USP6NL: variants seen among roughly 807,000 people sequenced by gnomAD.
USP6NL encodes USP6 N-terminal like.
In USP6NL, 26 loss-of-function variants were observed where a neutral mutation model predicts 61.9. The ratio of observed to expected loss-of-function variants is 0.42; its 90% CI spans 0.31 to 0.58. The LOEUF is 0.58. USP6NL is among the 20% of genes least tolerant of loss of function. USP6NL has a pLI of 0.16. For missense variants in USP6NL, 1,114 were observed against 1,034.3 expected, an observed-to-expected ratio of 1.08 and a Z score of -1.06; for synonymous variants, 432 against 390.1, an observed-to-expected ratio of 1.11 and a Z score of -1.27.
At chr10:11,590,961 A>G (rs1214824716) in intron 2 of USP6NL, among the ~76,000 whole-genome samples, 1 of 152,202 alleles carries the variant, frequency 6.6e-6, no homozygotes, top group Non-Finnish European at 1.5e-5. Flanking sequence ...ATGTACTCCT[A>G]TAAGACAAAA....
At position 11,602,809 on chromosome 10, in the gene USP6NL, A is replaced by G. The variant is rs1488646296; in HGVS notation, c.-83-5092T>C. ...AAAACCTGAAACACTTCTGGTCCCA[A>G]GCATTTCAGGTAAGAGATACTCAAC... On this transcript the variant is annotated intron_variant, in intron 1 of 14. Coordinates refer to ENST00000609104, the MANE Select transcript of USP6NL (RefSeq NM_014688.5). The surrounding 1 kb of genome is among the most constrained non-coding windows in gnomAD (Gnocchi z 4.8). Among the ~76,000 whole-genome samples, 1 of 152,226 alleles carries G rather than the reference A, an allele frequency of 6.6e-6. No individual in the cohort carries two copies. The highest frequency in any genetic ancestry group is 6.5e-5 in the Admixed American group (1 of 15,288).
chr10:11,492,348 C>T (rs887322615), intron 8 of USP6NL, among the ~76,000 whole-genome samples: 8 of 152,154 alleles, frequency 5.3e-5, no homozygotes, highest in Non-Finnish European at 7.3e-5. Flanking sequence ...TCACTGGGAA[C>T]GTATTTTGTA....
chr10:11,537,923 T>TA lies in USP6NL; in HGVS notation c.5-10357dup, dbSNP rs1835897576. Among the ~76,000 whole-genome samples, 1 of 152,206 alleles carries TA rather than the reference T, an allele frequency of 6.6e-6. No homozygotes were observed. Among genetic ancestry groups the TA allele is most frequent in the South Asian group, 2.1e-4 (1 of 4,828 alleles). On this transcript the variant is annotated intron_variant, in intron 2 of 14. Coordinates refer to ENST00000609104, the MANE Select transcript of USP6NL (RefSeq NM_014688.5). The surrounding 1 kb of genome is among the most constrained non-coding windows in gnomAD (Gnocchi z 5.1). ...CATGGCTTGCCCCTGATTCTGCAAA[T>TA]AAAAAGATCAACAGTGTCGATATAA...
At chr10:11,581,918 G>A (rs1018324631) in intron 2 of USP6NL, among the ~76,000 whole-genome samples, 2 of 152,106 alleles carry the variant, frequency 1.3e-5, no homozygotes, top group African/African-American at 2.4e-5. Context: ...AATTACAGGT[G>A]CCCACCACCA....
At chr10:11,522,554 T>C (rs566775107) in intron 4 of USP6NL, among the ~76,000 whole-genome samples, 1 of 152,372 alleles carries the variant, frequency 6.6e-6, no homozygotes, top group East Asian at 1.9e-4. Context: ...GGCTTGACAT[T>C]ACCCTAATAT....
In USP6NL at chr10:11,474,891, G is replaced by A. The variant is rs1461144738; in HGVS notation, c.1078+6879C>T. Among the ~76,000 whole-genome samples the A allele has an allele frequency of 6.6e-6, 1 of 152,152 alleles. No homozygotes were observed. The highest frequency in any genetic ancestry group is 1.5e-5 in the Non-Finnish European group (1 of 68,022). The stretch of plus-strand genomic sequence containing the variant: ...ATGTGAAGTGTGGAAGCTGCGGACA[G>A]AAAAGTGCTATACCTTACACTAAGG... On this transcript the variant is annotated intron_variant, in intron 14 of 14. Coordinates refer to ENST00000609104, the MANE Select transcript of USP6NL (RefSeq NM_014688.5). This position sits in a 1 kb window ranked among gnomAD's most constrained non-coding sequence, Gnocchi z 4.9.
At chr10:11,545,924 C>A (rs1410418216) in intron 2 of USP6NL, among the ~76,000 whole-genome samples, 1 of 152,154 alleles carries the variant, frequency 6.6e-6, no homozygotes, top group Non-Finnish European at 1.5e-5. Context: ...AACATAACTT[C>A]CAAGGTTAGT....
At chr10:11,579,964 G>A (rs1837688463) in intron 2 of USP6NL, among the ~76,000 whole-genome samples, 2 of 129,306 alleles carry the variant, frequency 1.5e-5, no homozygotes, top group Admixed American at 8.0e-5. Context: ...GGAGAGTGGC[G>A]GGGGGGGGGC....
chr10:11,462,260 C>A lies in USP6NL; in HGVS notation c.*181G>T. The A allele has an allele frequency of 1.4e-6, 1 of 714,090 alleles. No individual in the cohort carries two copies. Among genetic ancestry groups the A allele is most frequent in the Non-Finnish European group, 2.2e-6 (1 of 451,582 alleles). The allele number at this position is 714,090 out of a possible 1,614,324, so 44.2% of individuals were successfully genotyped here. On this transcript the variant is annotated 3_prime_UTR_variant, in exon 15 of 15. Coordinates refer to ENST00000609104, the MANE Select transcript of USP6NL (RefSeq NM_014688.5). ...CAGGTCAGTGATGATGCAATTGAAA[C>A]GCTCATCTTAAGCAGCATCTACGTG...
At chr10:11,580,776 T>C (rs1294735725) in intron 2 of USP6NL, among the ~76,000 whole-genome samples, 2 of 152,138 alleles carry the variant, frequency 1.3e-5, no homozygotes, top group African/African-American at 4.8e-5. Context: ...TAAATGACTA[T>C]GTAAACATGA....
intron 2 of USP6NL, among the ~76,000 whole-genome samples, chr10:11,586,395 C>T (rs565939952): frequency 2.2e-3 from 175 of 78,436 alleles, no homozygotes; most frequent in African/African-American, 7.7e-3. Context: ...CTTAAATGAC[C>T]AAAAAAAAAA....
Position 11,551,322 on chromosome 10 carries a change from TAAAAGAAGTCAAACAC to T in USP6NL, c.5-23771_5-23756del, listed in dbSNP as rs765970235. Reference sequence around the variant, plus strand: ...TGCTGATAACACGAAACAATGCAAATAAAAGAAGTCAAACACAAAAGACCTCATACTGTAGAACTTC... The same window carrying T: ...TGCTGATAACACGAAACAATGCAAATAAAAGACCTCATACTGTAGAACTTC... On this transcript the variant is annotated intron_variant, in intron 2 of 14. Coordinates refer to ENST00000609104, the MANE Select transcript of USP6NL (RefSeq NM_014688.5). Among the ~76,000 whole-genome samples the T allele has an allele frequency of 4.5e-4, 68 of 152,036 alleles. 1 individual carries two copies. The highest frequency in any genetic ancestry group is 2.4e-4 in the Non-Finnish European group (16 of 67,990).
intron 7 of USP6NL, among the ~76,000 whole-genome samples, chr10:11,494,683 C>T (rs1055628456): frequency 2.6e-5 from 4 of 152,098 alleles, no homozygotes; most frequent in Non-Finnish European, 5.9e-5. Context: ...ATGTGGGTCA[C>T]GTGTCAACTG....
rs1833924080 is a variant in USP6NL, at chr10:11,496,345, A to G, written c.385-3117T>C. Among the ~76,000 whole-genome samples, 1 of 152,232 alleles carries G rather than the reference A, an allele frequency of 6.6e-6. No individual in the cohort carries two copies. Among genetic ancestry groups the G allele is most frequent in the South Asian group, 2.1e-4 (1 of 4,832 alleles). ...CCAAGCCTTACGGAGATTCTGAGCT[A>G]CTAATCAGGTTGCTTCTCCAATTCC... is the stretch of plus-strand genomic sequence containing the variant. On this transcript the variant is annotated intron_variant, in intron 7 of 14. Transcript: ENST00000609104. This position sits in a 1 kb window ranked among gnomAD's most constrained non-coding sequence, Gnocchi z 5.4.
Position 11,462,551 on chromosome 10 carries a change from C to T in USP6NL, c.2377G>A (p.Ala793Thr), listed in dbSNP as rs1300383345. 6.2e-7 allele frequency: 1 copy of T among 1,614,006 alleles called. No homozygotes were observed. Among genetic ancestry groups the T allele is most frequent in the South Asian group, 1.1e-5 (1 of 91,090 alleles). ...CCAGATGGACTGGCATCTTCTGCGGCCGGTGAAGCTTTATATCTCACGGGA... is the reference window on the plus strand; with the variant it reads ...CCAGATGGACTGGCATCTTCTGCGGTCGGTGAAGCTTTATATCTCACGGGA... ...DSPVRYKASP[A>T]AEDASPSGYP... Residue 793 changes from alanine to threonine, a missense_variant, in exon 15 of 15, where the codon GCC (alanine) becomes ACC (threonine). By Grantham distance (58) the Ala-to-Thr change is moderately conservative. Transcript: ENST00000609104.
At chr10:11,559,727 G>A (rs912574309) in intron 2 of USP6NL, among the ~76,000 whole-genome samples, 4 of 152,134 alleles carry the variant, frequency 2.6e-5, no homozygotes, top group East Asian at 1.9e-4. Flanking sequence ...TGACTTGATC[G>A]TGGAGATAGA....
chr10:11,483,857 C>T (rs10905962), intron 13 of USP6NL, among the ~76,000 whole-genome samples: 1 of 151,868 alleles, frequency 6.6e-6, no homozygotes, highest in Non-Finnish European at 1.5e-5. Context: ...TGAACCACAA[C>T]AATTCTGAGT....
At chr10:11,494,927 C>T (rs866816673) in intron 7 of USP6NL, among the ~76,000 whole-genome samples, 3 of 152,110 alleles carry the variant, frequency 2.0e-5, no homozygotes, top group Non-Finnish European at 2.9e-5. Context: ...TAACTGCAGG[C>T]GAGCCTGACT....
intron 14 of USP6NL, among the ~76,000 whole-genome samples, chr10:11,475,004 G>A (rs1422424552): frequency 1.3e-5 from 2 of 152,152 alleles, no homozygotes; most frequent in Admixed American, 1.3e-4. Context: ...ACTATTCTGA[G>A]AAAAATCTTT....
Sources: gnomAD v4.1 joint callset for allele counts (sites outside exome capture counted in the v4.1 genomes callset) on GRCh38, gnomAD v4.1.1 for gene constraint, Gnocchi (gnomAD v3.1) non-coding constraint, MANE v1.5 for transcripts, NCBI Gene and HGNC (gene_info 2026-07-23, HGNC 2026-07-21) for gene names.